The following LAMA3 variants were observed in gnomAD, a reference collection of about 807,000 sequenced individuals.
The protein encoded by LAMA3 is laminin subunit alpha-3.
In LAMA3, 281 loss-of-function variants were observed where a neutral mutation model predicts 402.0. That is an observed-to-expected ratio of 0.70 (90% CI 0.63 to 0.77). The LOEUF (loss-of-function observed/expected upper bound fraction) is 0.77, where lower values mean the gene tolerates loss of function less well. Ranked by LOEUF, LAMA3 falls within the 30% of genes least tolerant of loss-of-function variation. LAMA3 has a pLI of 0.00. For missense variants in LAMA3, 3,840 were observed against 4,215.5 expected (o/e 0.91, Z 2.47); for synonymous variants, 1,431 against 1,558.4 (o/e 0.92, Z 1.93).
intron 65 of LAMA3, 124 bp downstream of exon 65, chr18:23,931,325 T>G: frequency 1.3e-6 from 1 of 785,160 alleles, no homozygotes; most frequent in South Asian, 1.5e-5. Flanking sequence ...CACTAATAAG[T>G]CTTGTCCTTC....
At chr18:23,711,955 T>C (rs934927730) in intron 1 of LAMA3, among the ~76,000 whole-genome samples, 2 of 152,328 alleles carry the variant, frequency 1.3e-5, no homozygotes, top group East Asian at 3.9e-4. Flanking sequence ...ATGTAAATCT[T>C]CTAAACTTTG....
At chr18:23,726,283 G>A (rs907357368) in intron 2 of LAMA3, among the ~76,000 whole-genome samples, 4 of 152,230 alleles carry the variant, frequency 2.6e-5, no homozygotes, top group African/African-American at 7.2e-5. Flanking sequence ...AGAGCAGCTG[G>A]CACAGCTCTC....
chr18:23,740,379 T>C (rs1303282030), intron 2 of LAMA3, among the ~76,000 whole-genome samples: 7 of 152,188 alleles, frequency 4.6e-5, no homozygotes, highest in Admixed American at 3.9e-4. Context: ...CTATGTGTCA[T>C]GCCTAACAAC....
chr18:23,834,978 C>G (rs1186018668), intron 24 of LAMA3: 1 of 152,126 alleles, frequency 6.6e-6, no homozygotes. Flanking sequence ...ATGATAGAAC[C>G]AAAGAAGGTA....
chr18:23,715,323 G>GA lies in LAMA3; in HGVS notation c.447+1262dup, dbSNP rs986097913. Among the ~76,000 whole-genome samples, 209 of 137,384 alleles carry GA rather than the reference G, an allele frequency of 1.5e-3. 1 individual carries two copies. Among genetic ancestry groups the GA allele is most frequent in the Admixed American group, 5.1e-3 (71 of 13,792 alleles). 90.1% of individuals were successfully genotyped at this position (137,384 alleles called of 152,430 possible). A position where few individuals can be genotyped will look rare whatever the true frequency, so the allele number is the denominator to read the frequency against. On this transcript the variant is annotated intron_variant, in intron 2 of 74. Coordinates refer to ENST00000313654, the MANE Select transcript of LAMA3 (RefSeq NM_198129.4). ...GATTCATGGAAAGAGAGTGTTTCAA[G>GA]AAAAAAAAAAAGGAGGGAGAAAATA...
chr18:23,836,831 C>A, intron 24 of LAMA3, 150 bp from the exon 25 acceptor site: 1 of 689,222 alleles, frequency 1.5e-6, no homozygotes, highest in Non-Finnish European at 2.7e-6. Flanking sequence ...CGAGCTGCAT[C>A]CTTCTTCAAC....
At chr18:23,947,104 AGGAG>A (rs2082736036) in intron 70 of LAMA3, among the ~76,000 whole-genome samples, 1 of 152,174 alleles carries the variant, frequency 6.6e-6, no homozygotes, top group Admixed American at 6.5e-5. Context: ...GTCCCCAGAG[AGGAG>A]GGGTGCTTTT....
chr18:23,844,077 G>T (rs2144610345), intron 29 of LAMA3, among the ~76,000 whole-genome samples: 1 of 152,354 alleles, frequency 6.6e-6, no homozygotes, highest in East Asian at 1.9e-4. Flanking sequence ...GGAGACAAGG[G>T]CTGCATCTGT....
At chr18:23,695,942 C>T (rs551942812) in intron 1 of LAMA3, among the ~76,000 whole-genome samples, 2 of 150,636 alleles carry the variant, frequency 1.3e-5, no homozygotes, top group African/African-American at 4.9e-5. Context: ...TGGTGCATAC[C>T]TGTGAGCCTT....
Position 23,914,853 on chromosome 18 carries a change from A to G in LAMA3, c.7637A>G (p.Asp2546Gly), listed in dbSNP as rs1233566489. 6.2e-7 allele frequency: 1 copy of G among 1,609,812 alleles called. No homozygotes were observed. ...TTTTATGTTGGAGGTTACCCACCTG[A>G]TTTTAAAGTAAGTGTAAATGTTATT... is the stretch of plus-strand genomic sequence containing the variant. Reference protein sequence around the residue: ...VVFYVGGYPPDFKLPSRLSFP... With the variant: ...VVFYVGGYPPGFKLPSRLSFP... The change falls in exon 58 of 75, where the codon GAT becomes GGT. Residue 2546 changes from aspartate (D) to glycine (G), a missense_variant. This residue lies in a region of LAMA3 where 840 missense variants were observed against 981.9 expected (regional missense o/e 0.86). Coordinates refer to ENST00000313654, the MANE Select transcript of LAMA3 (RefSeq NM_198129.4).
At chr18:23,712,423 A>C (rs935264824) in intron 1 of LAMA3, among the ~76,000 whole-genome samples, 23 of 151,506 alleles carry the variant, frequency 1.5e-4, no homozygotes, top group Non-Finnish European at 2.9e-5. Flanking sequence ...CCATATTATG[A>C]CAATGCATTT....
intron 2 of LAMA3, among the ~76,000 whole-genome samples, chr18:23,744,692 C>T (rs562833586): frequency 4.0e-5 from 6 of 151,760 alleles, no homozygotes; most frequent in East Asian, 1.9e-4. Flanking sequence ...ATTAGCCGGG[C>T]GTGGTGGCAG....
intron 23 of LAMA3, among the ~76,000 whole-genome samples, chr18:23,828,197 TG>T (rs1161140633): frequency 7.2e-5 from 11 of 152,300 alleles, no homozygotes; most frequent in African/African-American, 2.2e-4. Context: ...AATATTCATT[TG>T]GGGGATTAAA....
intron 68 of LAMA3, among the ~76,000 whole-genome samples, chr18:23,941,172 G>A (rs1260355644): frequency 2.6e-5 from 4 of 151,784 alleles, no homozygotes; most frequent in South Asian, 2.1e-4. Context: ...TCCTGACCTC[G>A]TGATCCGCCC....
intron 27 of LAMA3, 101 bp downstream of exon 27, chr18:23,840,030 C>T (rs1180686326): frequency 4.1e-6 from 5 of 1,232,590 alleles, no homozygotes; most frequent in Non-Finnish European, 5.9e-6. Flanking sequence ...ATTCACAGAC[C>T]CACTACAGAC....
intron 12 of LAMA3, among the ~76,000 whole-genome samples, chr18:23,788,207 T>A (rs2062583598): frequency 6.6e-6 from 1 of 151,904 alleles, no homozygotes; most frequent in Non-Finnish European, 1.5e-5. Flanking sequence ...ATAGATTATA[T>A]AAATTAATAA....
chr18:23,755,314 C>G (rs2061823968), intron 6 of LAMA3, among the ~76,000 whole-genome samples: 1 of 152,210 alleles, frequency 6.6e-6, no homozygotes, highest in Non-Finnish European at 1.5e-5. Flanking sequence ...GAGTTCTACA[C>G]TGGGTGGTTA....
At chr18:23,858,362 C>T (rs1302829485) in intron 33 of LAMA3, among the ~76,000 whole-genome samples, 1 of 152,136 alleles carries the variant, frequency 6.6e-6, no homozygotes, top group African/African-American at 2.4e-5. Context: ...GGAGACCTTC[C>T]AATTCCCAGG....
intron 12 of LAMA3, among the ~76,000 whole-genome samples, chr18:23,804,185 AG>A (rs1488058517): frequency 2.0e-5 from 3 of 152,214 alleles, no homozygotes; most frequent in African/African-American, 7.2e-5. Context: ...AGACGGTGGC[AG>A]GACTTTGCTC....
Sources: gnomAD v4.1 joint callset for allele counts (sites outside exome capture counted in the v4.1 genomes callset) on GRCh38, gnomAD v4.1.1 for gene constraint, gnomAD v4.1.1 regional missense constraint, MANE v1.5 for transcripts, NCBI Gene and HGNC (gene_info 2026-07-23, HGNC 2026-07-21) for gene names.